The following OTUD7B variants were observed in gnomAD, a reference collection of about 807,000 sequenced individuals.
The protein encoded by OTUD7B is OTU deubiquitinase 7B.
OTUD7B carries 34 observed loss-of-function variants against 82.2 expected under a neutral mutation model. That is an observed-to-expected ratio of 0.41 (90% CI 0.31 to 0.55). OTUD7B has a LOEUF of 0.55. Ranked by LOEUF, OTUD7B falls within the 20% of genes least tolerant of loss-of-function variation. The pLI, the probability that OTUD7B is intolerant of heterozygous loss-of-function variation, is 0.20. For synonymous variants in OTUD7B, 398 were observed against 402.7 expected, an observed-to-expected ratio of 0.99 and a Z score of 0.14; for missense variants, 944 against 1,062.1, an observed-to-expected ratio of 0.89 and a Z score of 1.55.
chr1:149,977,060 G>A (rs1287839595), intron 2 of OTUD7B, among the ~76,000 whole-genome samples: 3 of 152,182 alleles, frequency 2.0e-5, no homozygotes, highest in Non-Finnish European at 2.9e-5. Context: ...GGCAGAGACT[G>A]CAGTGAGCCA....
chr1:150,052,949 A>C, the OTUD7B span, among the ~76,000 whole-genome samples: 1 of 152,204 alleles, frequency 6.6e-6, no homozygotes, highest in African/African-American at 2.4e-5. Flanking sequence ...AAGACTCCCT[A>C]GTCAATACAT....
rs1466839446 is a variant in OTUD7B, at chr1:149,941,438, T to C, written c.*2419A>G. 2 of 152,238 alleles carry C rather than the reference T, an allele frequency of 1.3e-5. No individual in the cohort carries two copies. The highest frequency in any genetic ancestry group is 1.5e-5 in the Non-Finnish European group (1 of 68,026). 9.4% of individuals were successfully genotyped at this position (152,238 alleles called of 1,614,324 possible). A position where few individuals can be genotyped will look rare whatever the true frequency, so the allele number is the denominator to read the frequency against. On this transcript the variant is annotated 3_prime_UTR_variant, in exon 12 of 12. Transcript: ENST00000581312. ...CCTGTTGTTTGGTGTGTGATGGGGG[T>C]GGAGGCGCACACAGTGGTGTTCTCG...
At chr1:150,042,695 A>G in the OTUD7B span, among the ~76,000 whole-genome samples, 2 of 152,072 alleles carry the variant, frequency 1.3e-5, no homozygotes, top group African/African-American at 4.8e-5. Flanking sequence ...GTCATTTTAC[A>G]CATTTGTCTT....
At chr1:149,962,920 G>A (rs1415524408) in intron 6 of OTUD7B, 1 of 152,130 alleles carries the variant, frequency 6.6e-6, no homozygotes, top group East Asian at 1.9e-4. Flanking sequence ...CCAAGCTTTT[G>A]GTGCTAAAAA....
chr1:149,949,927 A>G, intron 8 of OTUD7B, 149 bp from the exon 9 acceptor site: 2 of 1,271,248 alleles, frequency 1.6e-6, no homozygotes, highest in Non-Finnish European at 2.2e-6. Context: ...ACTAATCCCA[A>G]CTGCTTTACT....
the OTUD7B span, among the ~76,000 whole-genome samples, chr1:150,030,035 A>T: frequency 6.6e-6 from 1 of 152,160 alleles, no homozygotes; most frequent in Admixed American, 6.6e-5. Context: ...GATCAGTCAA[A>T]CTGATTTCTC....
rs1647328760 is a variant in OTUD7B at position 149,942,530 on chromosome 1, C to T, written c.*1327G>A. On this transcript the variant is annotated 3_prime_UTR_variant, in exon 12 of 12. Coordinates refer to ENST00000581312, the MANE Select transcript of OTUD7B (RefSeq NM_020205.4). ...GGAGAAACCTAAAGACAGATCAGCT[C>T]ATTGGGAGTCATCTGTGCTCTGTGG... 1 of 152,446 alleles carries T rather than the reference C, an allele frequency of 6.6e-6. No individual in the cohort carries two copies. Among genetic ancestry groups the T allele is most frequent in the African/African-American group, 2.4e-5 (1 of 41,418 alleles). 9.4% of individuals were successfully genotyped at this position (152,446 alleles called of 1,614,324 possible).
the OTUD7B span, among the ~76,000 whole-genome samples, chr1:150,066,419 T>C: frequency 1.4e-5 from 1 of 71,334 alleles, no homozygotes; most frequent in Non-Finnish European, 2.7e-5. This position sits in a 1 kb window ranked among gnomAD's most constrained non-coding sequence, Gnocchi z 4.6. Flanking sequence ...ATTTACTTGG[T>C]AGAAAAGCTG....
intron 2 of OTUD7B, among the ~76,000 whole-genome samples, chr1:149,974,982 C>A (rs1650209671): frequency 1.3e-5 from 2 of 151,994 alleles, no homozygotes; most frequent in African/African-American, 4.8e-5. Context: ...ACAGTGAATG[C>A]CACCACACCT....
At chr1:149,958,219 C>T (rs1437703276) in intron 7 of OTUD7B, among the ~76,000 whole-genome samples, 4 of 151,926 alleles carry the variant, frequency 2.6e-5, no homozygotes, top group East Asian at 1.9e-4. Context: ...TCCCCCATCA[C>T]GGGGCTACCA....
chr1:149,948,049 A>G (rs1258750816), intron 10 of OTUD7B, among the ~76,000 whole-genome samples: 1 of 152,112 alleles, frequency 6.6e-6, no homozygotes, highest in Non-Finnish European at 1.5e-5. Context: ...GTACCATCTC[A>G]GCTCACTGCA....
At chr1:149,996,616 G>A (rs1553783491) in intron 1 of OTUD7B, among the ~76,000 whole-genome samples, 1 of 152,092 alleles carries the variant, frequency 6.6e-6, no homozygotes, top group Non-Finnish European at 1.5e-5. Context: ...AGCATCCTCA[G>A]GACCTTAAAC....
At chr1:150,006,110 T>G (rs1652644742) in intron 1 of OTUD7B, among the ~76,000 whole-genome samples, 1 of 152,162 alleles carries the variant, frequency 6.6e-6, no homozygotes, top group Admixed American at 6.5e-5. Context: ...AAATGCAAAT[T>G]TATTTCAATA....
intron 1 of OTUD7B, among the ~76,000 whole-genome samples, chr1:149,985,574 C>CA (rs1370211446): frequency 1.3e-5 from 2 of 151,878 alleles, no homozygotes; most frequent in African/African-American, 4.8e-5. Flanking sequence ...CCCATCTCTA[C>CA]AAAAAAATTA....
chr1:150,029,053 T>C, the OTUD7B span, among the ~76,000 whole-genome samples: 1 of 152,194 alleles, frequency 6.6e-6, no homozygotes, highest in African/African-American at 2.4e-5. Context: ...TGTACTGTTT[T>C]TATGAATTAC....
At chr1:150,040,333 T>C in the OTUD7B span, among the ~76,000 whole-genome samples, 3 of 152,240 alleles carry the variant, frequency 2.0e-5, no homozygotes, top group Admixed American at 6.5e-5. Context: ...AATATTCATG[T>C]ACTTAATATA....
At chr1:150,062,833 G>A in the OTUD7B span, among the ~76,000 whole-genome samples, 3 of 146,532 alleles carry the variant, frequency 2.0e-5, no homozygotes, top group Non-Finnish European at 1.5e-5. Flanking sequence ...TCCTGCCTCA[G>A]CCTCCTGAGT....
In OTUD7B at chr1:149,943,139, G is replaced by C. The variant is rs1358746325; in HGVS notation, c.*718C>G. The C allele has an allele frequency of 1.3e-5, 2 of 152,602 alleles. No individual in the cohort carries two copies. Among genetic ancestry groups the C allele is most frequent in the South Asian group, 2.1e-4 (1 of 4,816 alleles). 9.5% of individuals were successfully genotyped at this position (152,602 alleles called of 1,614,324 possible). On this transcript the variant is annotated 3_prime_UTR_variant, in exon 12 of 12. Transcript: ENST00000581312. Reference sequence around the variant, plus strand: ...AAGACTTAGATGAGGAAAAGACAGGGGGTAATCAGCAATCTCTTCTCAAAC... The same window carrying C: ...AAGACTTAGATGAGGAAAAGACAGGCGGTAATCAGCAATCTCTTCTCAAAC...
At chr1:149,963,072 A>AG (rs1422133063) in intron 6 of OTUD7B, 3 of 152,232 alleles carry the variant, frequency 2.0e-5, no homozygotes, top group African/African-American at 7.2e-5. Context: ...TTTTTGAGGA[A>AG]GAAACATAGC....
Sources: gnomAD v4.1 joint callset for allele counts (sites outside exome capture counted in the v4.1 genomes callset) on GRCh38, gnomAD v4.1.1 for gene constraint, Gnocchi (gnomAD v3.1) non-coding constraint, MANE v1.5 for transcripts, NCBI Gene and HGNC (gene_info 2026-07-23, HGNC 2026-07-21) for gene names.